GPM6A: variants seen among roughly 807,000 people sequenced by gnomAD.
The protein encoded by GPM6A is glycoprotein M6A, also known as neuronal membrane glycoprotein M6-a.
Under a neutral mutation model 32.1 loss-of-function variants are expected in GPM6A, and 7 were observed. That is an observed-to-expected ratio of 0.22 (90% CI 0.12 to 0.41). The LOEUF is 0.41. Among genes scored for constraint, GPM6A ranks in the 10% least tolerant of loss-of-function variants. GPM6A has a pLI of 1.00. For missense variants in GPM6A, 235 were observed against 347.2 expected (o/e 0.68, Z 2.57); for synonymous variants, 130 against 123.4 (o/e 1.05, Z -0.35).
chr4:175,861,517 C>T (rs574820527), intron 1 of GPM6A, among the ~76,000 whole-genome samples: 9 of 151,000 alleles, frequency 6.0e-5, no homozygotes, highest in African/African-American at 1.5e-4. Flanking sequence ...TTTCAGAAGC[C>T]GAGGCAGGCA....
chr4:175,705,187 G>T (rs1236553459), intron 1 of GPM6A, among the ~76,000 whole-genome samples: 2 of 152,102 alleles, frequency 1.3e-5, no homozygotes, highest in East Asian at 3.8e-4. Flanking sequence ...TTCCAAAATT[G>T]GGTCAACCCA....
At chr4:175,681,819 G>T (rs76761516) in intron 2 of GPM6A, among the ~76,000 whole-genome samples, 2 of 152,094 alleles carry the variant, frequency 1.3e-5, no homozygotes, top group African/African-American at 4.8e-5. Flanking sequence ...TTTACTAATT[G>T]CCCAGTTTCA....
intron 1 of GPM6A, among the ~76,000 whole-genome samples, chr4:175,817,468 T>C (rs945038332): frequency 1.3e-5 from 2 of 152,170 alleles, no homozygotes; most frequent in African/African-American, 2.4e-5. Flanking sequence ...GAATGACAAG[T>C]GCTACCAAAT....
At chr4:175,943,329 G>A (rs1417132257) in intron 1 of GPM6A, among the ~76,000 whole-genome samples, 1 of 152,166 alleles carries the variant, frequency 6.6e-6, no homozygotes, top group African/African-American at 2.4e-5. Context: ...TCTGCAAAGA[G>A]ACAATTTGAC....
At chr4:175,853,252 C>T (rs1736315195) in intron 1 of GPM6A, among the ~76,000 whole-genome samples, 1 of 151,986 alleles carries the variant, frequency 6.6e-6, no homozygotes, top group African/African-American at 2.4e-5. Flanking sequence ...GTGATTATTT[C>T]AATTCAACTC....
chr4:175,931,671 T>TACAC (rs376901123), intron 1 of GPM6A, among the ~76,000 whole-genome samples: 162 of 136,582 alleles, frequency 1.2e-3, no homozygotes, highest in Middle Eastern at 7.5e-3. Flanking sequence ...TTAAAAAATA[T>TACAC]ACACACACAC....
intron 1 of GPM6A, among the ~76,000 whole-genome samples, chr4:175,950,321 T>C (rs1349241812): frequency 1.3e-5 from 2 of 152,316 alleles, no homozygotes; most frequent in African/African-American, 4.8e-5. Flanking sequence ...TTTTACATTA[T>C]TTTAATGGCT....
At chr4:175,866,624 T>A (rs1579579558) in intron 1 of GPM6A, among the ~76,000 whole-genome samples, 1 of 152,190 alleles carries the variant, frequency 6.6e-6, no homozygotes, top group African/African-American at 2.4e-5. Context: ...ATGAATAATA[T>A]TTAATTGTCT....
intron 1 of GPM6A, among the ~76,000 whole-genome samples, chr4:175,902,345 C>T (rs572224959): frequency 6.6e-6 from 1 of 152,222 alleles, no homozygotes; most frequent in African/African-American, 2.4e-5. Context: ...AAAAAGCAGC[C>T]TCCAAATCAT....
chr4:175,709,285 C>T (rs956381881), intron 1 of GPM6A, among the ~76,000 whole-genome samples: 3 of 151,592 alleles, frequency 2.0e-5, no homozygotes, highest in East Asian at 1.9e-4. Flanking sequence ...TCCCTCTGCC[C>T]CCTTTCTCTC....
intron 1 of GPM6A, among the ~76,000 whole-genome samples, chr4:175,952,465 G>A (rs968093975): frequency 6.6e-6 from 1 of 152,150 alleles, no homozygotes; most frequent in African/African-American, 2.4e-5. Context: ...TATTTTCCCA[G>A]TTGCCCATTG....
chr4:175,910,721 A>C (rs899182175), intron 1 of GPM6A, among the ~76,000 whole-genome samples: 1 of 152,150 alleles, frequency 6.6e-6, no homozygotes, highest in African/African-American at 2.4e-5. Flanking sequence ...ATCAAACAAT[A>C]ATTCCACACT....
At chr4:175,951,483 C>T (rs2126375223) in intron 1 of GPM6A, among the ~76,000 whole-genome samples, 1 of 152,254 alleles carries the variant, frequency 6.6e-6, no homozygotes, top group South Asian at 2.1e-4. Context: ...GGATTCCATC[C>T]TCATTACCTC....
upstream of GPM6A, chr4:175,812,291 A>G: frequency 9.5e-7 from 1 of 1,056,806 alleles, no homozygotes; most frequent in Non-Finnish European, 1.2e-6. Context: ...AGATGTTGGA[A>G]AAACTGGGGG....
chr4:175,831,134 C>T (rs1735598757), intron 1 of GPM6A, among the ~76,000 whole-genome samples: 1 of 152,154 alleles, frequency 6.6e-6, no homozygotes, highest in South Asian at 2.1e-4. Context: ...TATCAAAACA[C>T]ATGGAGTGGT....
At chr4:175,924,988 C>T (rs1336152813) in intron 1 of GPM6A, among the ~76,000 whole-genome samples, 1 of 152,060 alleles carries the variant, frequency 6.6e-6, no homozygotes, top group Non-Finnish European at 1.5e-5. Flanking sequence ...TTCTTAAGTT[C>T]ATGTTTAATG....
chr4:175,918,333 G>A (rs544056897), intron 1 of GPM6A, among the ~76,000 whole-genome samples: 5 of 152,072 alleles, frequency 3.3e-5, no homozygotes, highest in East Asian at 1.9e-4. Flanking sequence ...CTGATAAAGC[G>A]GGCAGCAGCT....
chr4:175,883,628 A>C (rs1238542886), intron 1 of GPM6A, among the ~76,000 whole-genome samples: 1 of 152,178 alleles, frequency 6.6e-6, no homozygotes, highest in Non-Finnish European at 1.5e-5. Flanking sequence ...TAATAACTGA[A>C]TTGAATATCA....
chr4:175,701,037 G>GA (rs975607629), intron 2 of GPM6A, among the ~76,000 whole-genome samples: 2 of 151,648 alleles, frequency 1.3e-5, no homozygotes, highest in African/African-American at 2.4e-5. Flanking sequence ...ATTGGTGTTT[G>GA]AAAAAAAAGG....
Sources: gnomAD v4.1 joint callset for allele counts (sites outside exome capture counted in the v4.1 genomes callset) on GRCh38, gnomAD v4.1.1 for gene constraint, MANE v1.5 for transcripts, NCBI Gene and HGNC (gene_info 2026-07-23, HGNC 2026-07-21) for gene names.